Variants in CA6 observed in about 807,000 individuals in gnomAD.
The protein encoded by CA6 is carbonate dehydratase VI.
In CA6, 28 loss-of-function variants were observed where a neutral mutation model predicts 35.9. That is an observed-to-expected ratio of 0.78 (90% confidence interval 0.58 to 1.07). The LOEUF (loss-of-function observed/expected upper bound fraction) is 1.07. Among genes scored for constraint, CA6 ranks in the 50% least tolerant of loss-of-function variants. The probability of loss-of-function intolerance (pLI) is 0.00; values close to 1 mark genes in which losing one functional copy is unlikely to be tolerated. For missense variants in CA6, 377 were observed against 382.0 expected, an observed-to-expected ratio of 0.99 and a Z score of 0.11; for synonymous variants, 148 against 152.6, an observed-to-expected ratio of 0.97 and a Z score of 0.22.
Position 8,949,248 on chromosome 1 carries a change from T to A in CA6, c.80-15T>A. ...CAGCCAGGCAGCCCCTTGAACTGTGTCTTTCCTGTCTTAGAAGGGGCACTG... is the reference window on the plus strand; with the variant it reads ...CAGCCAGGCAGCCCCTTGAACTGTGACTTTCCTGTCTTAGAAGGGGCACTG... On this transcript the variant is annotated splice_polypyrimidine_tract_variant and intron_variant, in intron 1 of 7. Coordinates refer to ENST00000377443, the MANE Select transcript of CA6 (RefSeq NM_001215.4). The A allele has an allele frequency of 6.3e-7, 1 of 1,578,268 alleles. No individual in the cohort carries two copies. The highest frequency in any genetic ancestry group is 8.6e-7 in the Non-Finnish European group (1 of 1,162,424).
rs779858197 is a variant in CA6 at position 8,949,233 on chromosome 1, G to A, written c.80-30G>A. ...CCTCCAGAGTGGGCGCAGCCAGGCA[G>A]CCCCTTGAACTGTGTCTTTCCTGTC... On this transcript the variant is annotated intron_variant, in intron 1 of 7. Coordinates refer to ENST00000377443, the MANE Select transcript of CA6 (RefSeq NM_001215.4). 5.3e-6 allele frequency: 8 copies of A among 1,522,386 alleles called. No homozygotes were observed. In the South Asian group the frequency reaches 1.0e-4, roughly 19 times the overall value. The allele number at this position is 1,522,386 out of a possible 1,614,324, so 94.3% of individuals were successfully genotyped here. A position where few individuals can be genotyped will look rare whatever the true frequency, so the allele number is the denominator to read the frequency against.
At position 8,954,843 on chromosome 1, in the gene CA6, A is replaced by G. The variant is rs576513783; in HGVS notation, c.260-2294A>G. Among the ~76,000 whole-genome samples, 28 of 152,224 alleles carry G rather than the reference A, an allele frequency of 1.8e-4. No homozygotes were observed. In the South Asian group the frequency reaches 2.7e-3, roughly 15 times the overall value. ...GCCTGCCTTGGCCTCCTAAATTGCTAGGATTACAGGTGTGAGCTGCCGGGC... is the reference window on the plus strand; with the variant it reads ...GCCTGCCTTGGCCTCCTAAATTGCTGGGATTACAGGTGTGAGCTGCCGGGC... On this transcript the variant is annotated intron_variant, in intron 2 of 7. Coordinates refer to ENST00000377443, the MANE Select transcript of CA6 (RefSeq NM_001215.4).
In CA6 at chr1:8,958,997, G is replaced by A. The variant is rs374026757; in HGVS notation, c.496G>A (p.Val166Ile). 53 of 1,599,764 alleles carry A rather than the reference G, an allele frequency of 3.3e-5. No homozygotes were observed. The highest frequency in any genetic ancestry group is 2.8e-4 in the African/African-American group (21 of 74,602). Residue 166 changes from valine to isoleucine, a missense_variant, in exon 4 of 8, where the codon GTT becomes ATT. Transcript: ENST00000377443. Reference protein sequence around the residue: ...PDGLAVLAAFVEVKNYPENTY... With the variant: ...PDGLAVLAAFIEVKNYPENTY... ...TGGTTTGGCTGTACTGGCAGCCTTC[G>A]TTGAGGTAAGCAGAAACTACCCATG... is the stretch of plus-strand genomic sequence containing the variant.
Position 8,973,711 on chromosome 1 carries a change from T to TCC in CA6, c.845-910_845-909insCC, listed in dbSNP as rs938977721. The stretch of plus-strand genomic sequence containing the variant: ...TCAGGCCTGGATTTTTCTTTCTCTC[T>TCC]CTTTCTTTCTTTCTTTCTTTCTTTC... On this transcript the variant is annotated intron_variant, in intron 7 of 7. Coordinates refer to ENST00000377443, the MANE Select transcript of CA6 (RefSeq NM_001215.4). 1.8e-3 allele frequency among the ~76,000 whole-genome samples: 10 copies of TCC among 5,662 alleles called. No homozygotes were observed. The South Asian group carries it at 0.048, about 27-fold the overall frequency. 3.7% of individuals were successfully genotyped at this position (5,662 alleles called of 152,430 possible). A position where few individuals can be genotyped will look rare whatever the true frequency, so the allele number is the denominator to read the frequency against.
intron 6 of CA6, among the ~76,000 whole-genome samples, chr1:8,970,623 C>T (rs3737666): frequency 0.023 from 3,519 of 152,148 alleles, 70 homozygotes; most frequent in South Asian, 0.064. Flanking sequence ...ATTCTCCTGC[C>T]TCAGCCTCCT....
chr1:8,974,487 C>T (rs781660920), intron 7 of CA6, 135 bp from the exon 8 acceptor site: 171 of 1,471,104 alleles, frequency 1.2e-4, no homozygotes, highest in Middle Eastern at 1.7e-4. Flanking sequence ...GCACCGGGCA[C>T]GTGGAGAGCA....
intron 3 of CA6, among the ~76,000 whole-genome samples, chr1:8,957,629 C>T (rs865822929): frequency 2.6e-5 from 4 of 152,104 alleles, no homozygotes; most frequent in Non-Finnish European, 5.9e-5. Flanking sequence ...GCGTGAGCCA[C>T]AGTGCCCAGC....
At chr1:8,974,288 G>C (rs192896447) in intron 7 of CA6, 25 of 1,171,818 alleles carry the variant, frequency 2.1e-5, no homozygotes, top group Non-Finnish European at 2.5e-5. Flanking sequence ...AAAACAAGAC[G>C]ATGGCCAAAT....
At chr1:8,946,026 T>G in intron 1 of CA6, 61 bp downstream of exon 1, 1 of 1,025,048 alleles carries the variant, frequency 9.8e-7, no homozygotes. Flanking sequence ...ACAGGACAAG[T>G]GCCCTTCTTC....
intron 4 of CA6, among the ~76,000 whole-genome samples, chr1:8,960,847 G>GAAACA (rs1184168560): frequency 6.8e-6 from 1 of 146,420 alleles, no homozygotes; most frequent in African/African-American, 2.6e-5. Flanking sequence ...AGAAAAACAT[G>GAAACA]AAACAAAACA....
At chr1:8,968,985 T>C (rs1232405362) in intron 6 of CA6, among the ~76,000 whole-genome samples, 1 of 147,960 alleles carries the variant, frequency 6.8e-6, no homozygotes, top group Non-Finnish European at 1.5e-5. Flanking sequence ...ACTACTGCAC[T>C]CCAGCCTGGG....
chr1:8,959,954 G>A (rs1639794739), intron 4 of CA6, among the ~76,000 whole-genome samples: 1 of 94,732 alleles, frequency 1.1e-5, no homozygotes, highest in Non-Finnish European at 2.1e-5. Flanking sequence ...AAAAAAAGCT[G>A]GGCGCGATGG....
intron 6 of CA6, among the ~76,000 whole-genome samples, chr1:8,969,069 A>C (rs1200351095): frequency 6.6e-6 from 1 of 151,214 alleles, no homozygotes; most frequent in African/African-American, 2.4e-5. Context: ...TAATCCCAGC[A>C]CTTTGGGACG....
At chr1:8,962,310 G>A (rs1639861661) in intron 4 of CA6, among the ~76,000 whole-genome samples, 1 of 151,728 alleles carries the variant, frequency 6.6e-6, no homozygotes, top group African/African-American at 2.4e-5. Context: ...GTAAGAGTTG[G>A]CCATTTCTGA....
At position 8,957,163 on chromosome 1, in the gene CA6, C is replaced by G. The variant is rs766673152; in HGVS notation, c.286C>G (p.Arg96Gly). The G allele has an allele frequency of 1.2e-6, 2 of 1,612,880 alleles. No homozygotes were observed. Among genetic ancestry groups the G allele is most frequent in the Admixed American group, 3.3e-5 (2 of 59,870 alleles). ...TVQISLPSTM[R>G]MTVADGTVYI... ...GCAGATCAGCCTGCCCTCCACCATG[C>G]GCATGACAGTGGCTGACGGCACTGT... The change falls in exon 3 of 8, where the codon CGC becomes GGC. Residue 96 changes from arginine to glycine, a missense_variant. Arg to Gly is a moderately radical substitution (Grantham distance 125). Coordinates refer to ENST00000377443, the MANE Select transcript of CA6 (RefSeq NM_001215.4).
intron 4 of CA6, among the ~76,000 whole-genome samples, chr1:8,961,172 G>C (rs1639834577): frequency 6.6e-6 from 1 of 152,088 alleles, no homozygotes; most frequent in Non-Finnish European, 1.5e-5. Flanking sequence ...ATTGCTAGCC[G>C]GTCTATCTTA....
At chr1:8,948,521 G>A (rs1639429432) in intron 1 of CA6, among the ~76,000 whole-genome samples, 1 of 151,788 alleles carries the variant, frequency 6.6e-6, no homozygotes, top group Non-Finnish European at 1.5e-5. Context: ...GGGAGGTGGG[G>A]GCTGTGTTCC....
Position 8,962,604 on chromosome 1 carries a change from A to C in CA6, c.519A>C (p.Glu173Asp), listed in dbSNP as rs775085670. The change falls in exon 5 of 8, where the codon GAA becomes GAC. Residue 173 changes from glutamate to aspartate, a missense_variant. By Grantham distance (45) the Glu-to-Asp change is conservative. Coordinates refer to ENST00000377443, the MANE Select transcript of CA6 (RefSeq NM_001215.4). ...CTCTGCAGGTGAAGAATTACCCTGA[A>C]AACACTTATTACAGCAACTTCATTT... is the stretch of plus-strand genomic sequence containing the variant. ...AAFVEVKNYP[E>D]NTYYSNFISH... 1.9e-6 allele frequency: 3 copies of C among 1,613,778 alleles called. No homozygotes were observed. Among genetic ancestry groups the C allele is most frequent in the Non-Finnish European group, 2.5e-6 (3 of 1,179,778 alleles).
At chr1:8,951,567 C>T (rs752087212) in intron 2 of CA6, 21 of 765,052 alleles carry the variant, frequency 2.7e-5, no homozygotes, top group Non-Finnish European at 2.6e-5. Flanking sequence ...CTATGGGCAA[C>T]GCTTGCTGAG....
Sources: gnomAD v4.1 joint callset for allele counts (sites outside exome capture counted in the v4.1 genomes callset) on GRCh38, gnomAD v4.1.1 for gene constraint, MANE v1.5 for transcripts, NCBI Gene and HGNC (gene_info 2026-07-23, HGNC 2026-07-21) for gene names.